RFWD3: variants seen among roughly 807,000 people sequenced by gnomAD.
RFWD3 encodes the protein ring finger and WD repeat domain 3, also known as E3 ubiquitin-protein ligase RFWD3.
A neutral mutation model predicts 87.7 loss-of-function variants in RFWD3; 65 were observed. The ratio of observed to expected loss-of-function variants is 0.74; its 90% confidence interval spans 0.61 to 0.91. RFWD3 has a LOEUF of 0.91. Ranked by LOEUF, RFWD3 falls within the 40% of genes least tolerant of loss-of-function variation. The probability of loss-of-function intolerance (pLI) is 0.00; values close to 1 mark genes in which losing one functional copy is unlikely to be tolerated. For missense variants in RFWD3, 1,078 were observed against 938.5 expected (o/e 1.15, Z -1.94); for synonymous variants, 433 against 352.8 (o/e 1.23, Z -2.55).
chr16:74,626,238 A>G (rs1027618385), intron 12 of RFWD3, 105 bp downstream of exon 12: 2 of 975,504 alleles, frequency 2.1e-6, no homozygotes, highest in African/African-American at 3.2e-5. Context: ...CAGAACTTAC[A>G]CTTTTTTGCT....
At chr16:74,649,907 T>C (rs1265036046) in intron 3 of RFWD3, among the ~76,000 whole-genome samples, 1 of 152,208 alleles carries the variant, frequency 6.6e-6, no homozygotes, top group Admixed American at 6.5e-5. Context: ...TGCTTCTTCA[T>C]GAAATTAACT....
At chr16:74,639,445 G>A (rs944827821) in intron 6 of RFWD3, among the ~76,000 whole-genome samples, 4 of 152,182 alleles carry the variant, frequency 2.6e-5, no homozygotes, top group Admixed American at 2.0e-4. Flanking sequence ...TTGACCCAAA[G>A]GTCATTATGC....
intron 2 of RFWD3, among the ~76,000 whole-genome samples, chr16:74,653,520 A>C (rs926199391): frequency 6.6e-5 from 10 of 152,132 alleles, no homozygotes; most frequent in African/African-American, 2.4e-4. Flanking sequence ...AAAAATAAAA[A>C]TTTAAAAAAT....
chr16:74,624,182 G>A (rs1390543895), intron 12 of RFWD3, 111 bp from the exon 13 acceptor site: 2 of 1,282,620 alleles, frequency 1.6e-6, no homozygotes, highest in Admixed American at 2.5e-5. Flanking sequence ...ACTACCTGGA[G>A]AGCAAAGCAG....
rs1222838544 is a variant in RFWD3 at position 74,637,898 on chromosome 16, C to T, written c.1152G>A (p.Gln384=). 6.2e-7 allele frequency: 1 copy of T among 1,612,916 alleles called. No individual in the cohort carries two copies. The highest frequency in any genetic ancestry group is 1.1e-5 in the South Asian group (1 of 90,976). ...GCCTAGTGCACTTATCAGTGAGGAC[C>T]TGCAGTTGGAGTCGGCACTGTGCTG... The part of the protein sequence containing the change: ...LESAQCRLQL[Q]VLTDKCTRLQ... The change falls in exon 7 of 13, where the codon CAG becomes CAA. Residue 384 remains glutamine, a synonymous_variant. Transcript: ENST00000361070.
chr16:74,653,853 C>G (rs1463454472), intron 2 of RFWD3, among the ~76,000 whole-genome samples: 4 of 152,026 alleles, frequency 2.6e-5, no homozygotes, highest in African/African-American at 9.7e-5. Flanking sequence ...CTAACTAGAA[C>G]AAAATAAACA....
chr16:74,631,619 C>T (rs192552585), intron 9 of RFWD3, among the ~76,000 whole-genome samples: 1 of 152,278 alleles, frequency 6.6e-6, no homozygotes, highest in African/African-American at 2.4e-5. Flanking sequence ...AGATAAAACG[C>T]TGTGACTAAG....
At chr16:74,659,213 C>A (rs1961238697) in intron 2 of RFWD3, among the ~76,000 whole-genome samples, 1 of 152,048 alleles carries the variant, frequency 6.6e-6, no homozygotes. Context: ...ACTCTGCGTC[C>A]CCCAACAAGA....
At chr16:74,662,932 T>C (rs542394747) in intron 1 of RFWD3, among the ~76,000 whole-genome samples, 100 of 147,516 alleles carry the variant, frequency 6.8e-4, no homozygotes, top group African/African-American at 2.5e-3. Flanking sequence ...TGAGATGGAG[T>C]CTCGCTCTGT....
chr16:74,653,508 G>T (rs1960728448), intron 2 of RFWD3, among the ~76,000 whole-genome samples: 1 of 151,196 alleles, frequency 6.6e-6, no homozygotes. Flanking sequence ...AAAAGAAGAA[G>T]AAAAAATAAA....
chr16:74,642,174 G>A (rs1269217431), intron 6 of RFWD3, among the ~76,000 whole-genome samples: 1 of 152,064 alleles, frequency 6.6e-6, no homozygotes, highest in Non-Finnish European at 1.5e-5. Context: ...CCAGGCTGGA[G>A]TGCAGTGGCG....
At chr16:74,645,369 T>C (rs1209174194) in intron 4 of RFWD3, among the ~76,000 whole-genome samples, 1 of 152,256 alleles carries the variant, frequency 6.6e-6, no homozygotes, top group African/African-American at 2.4e-5. Flanking sequence ...TAGTCATGCA[T>C]TGCTTGACAA....
intron 2 of RFWD3, among the ~76,000 whole-genome samples, chr16:74,654,345 C>T (rs1394387851): frequency 2.0e-5 from 3 of 151,966 alleles, no homozygotes; most frequent in Non-Finnish European, 4.4e-5. Flanking sequence ...TTCTTTCTGT[C>T]TGCCTGTGTT....
intron 2 of RFWD3, among the ~76,000 whole-genome samples, chr16:74,658,079 C>T (rs540889879): frequency 2.6e-5 from 4 of 152,274 alleles, no homozygotes; most frequent in Non-Finnish European, 4.4e-5. Context: ...CAACAGGAAG[C>T]AGTGCTAGGG....
At position 74,644,554 on chromosome 16, in the gene RFWD3, C is replaced by T. The variant is rs779488270; in HGVS notation, c.974G>A (p.Arg325Gln). The change falls in exon 5 of 13, where the codon CGA becomes CAA. Residue 325 changes from arginine (R) to glutamine (Q), a missense_variant. Transcript: ENST00000361070. ...TATGGTCCTTACCTGGGGACATTTT[C>T]GTACTTGTCCTTTAAGCCACGTGGA... is the stretch of plus-strand genomic sequence containing the variant. ...CISTWLKGQV[R>Q]KCPQCNKKAR... 5.6e-6 allele frequency: 9 copies of T among 1,614,078 alleles called. No individual in the cohort carries two copies. Among genetic ancestry groups the T allele is most frequent in the East Asian group, 2.2e-5 (1 of 44,900 alleles).
intron 4 of RFWD3, 74 bp from the exon 5 acceptor site, chr16:74,644,809 A>G (rs1959989460): frequency 1.4e-6 from 2 of 1,435,784 alleles, no homozygotes; most frequent in Non-Finnish European, 1.9e-6. Flanking sequence ...GCAACTAAGA[A>G]ATTAACAGAA....
In RFWD3 at chr16:74,623,826, G is replaced by A; in HGVS notation, c.*102C>T. ...ATGCAAACAAACCATGATTCCCAAT[G>A]TTCTAGACTGCAGACAATAAACAGG... On this transcript the variant is annotated 3_prime_UTR_variant, in exon 13 of 13. Coordinates refer to ENST00000361070, the MANE Select transcript of RFWD3 (RefSeq NM_018124.4). The A allele has an allele frequency of 1.6e-6, 2 of 1,285,870 alleles. No homozygotes were observed. The highest frequency in any genetic ancestry group is 2.3e-5 in the East Asian group (1 of 43,096). The allele number at this position is 1,285,870 out of a possible 1,614,324, so 79.7% of individuals were successfully genotyped here. A position where few individuals can be genotyped will look rare whatever the true frequency, so the allele number is the denominator to read the frequency against.
chr16:74,650,854 G>C (rs1269888173), intron 3 of RFWD3, among the ~76,000 whole-genome samples: 1 of 151,576 alleles, frequency 6.6e-6, no homozygotes, highest in African/African-American at 2.4e-5. Flanking sequence ...TCCAACCTGG[G>C]GGACAGAGTG....
At chr16:74,662,149 A>T (rs55988216) in intron 1 of RFWD3, among the ~76,000 whole-genome samples, 7 of 134,580 alleles carry the variant, frequency 5.2e-5, no homozygotes, top group Admixed American at 1.4e-4. Context: ...AAAAAAAAAA[A>T]TTTTTTTTTG....
Sources: gnomAD v4.1 joint callset for allele counts (sites outside exome capture counted in the v4.1 genomes callset) on GRCh38, gnomAD v4.1.1 for gene constraint, MANE v1.5 for transcripts, NCBI Gene and HGNC (gene_info 2026-07-23, HGNC 2026-07-21) for gene names.